Variants in ARHGAP39 observed in about 807,000 individuals in gnomAD.
The protein encoded by ARHGAP39 is Rho GTPase activating protein 39.
A neutral mutation model predicts 106.9 loss-of-function variants in ARHGAP39; 44 were observed. The ratio of observed to expected loss-of-function variants is 0.41; its 90% CI spans 0.32 to 0.53. ARHGAP39 has a LOEUF of 0.53. Among genes scored for constraint, ARHGAP39 ranks in the 20% least tolerant of loss-of-function variants. ARHGAP39 has a pLI of 0.21. For synonymous variants in ARHGAP39, 768 were observed against 693.2 expected (o/e 1.11, Z -1.69); for missense variants, 1,496 against 1,577.3 (o/e 0.95, Z 0.87).
intron 1 of ARHGAP39, among the ~76,000 whole-genome samples, chr8:144,661,180 T>C (rs946425417): frequency 1.3e-5 from 2 of 152,116 alleles, no homozygotes; most frequent in Admixed American, 6.5e-5. Context: ...GGGACCACCA[T>C]GGCCCCTTCA....
chr8:144,557,546 C>CA (rs1330921142), intron 3 of ARHGAP39, among the ~76,000 whole-genome samples: 1 of 137,300 alleles, frequency 7.3e-6, no homozygotes, highest in African/African-American at 3.0e-5. Flanking sequence ...TATTCAGAGG[C>CA]AAAGGCTGAA....
chr8:144,582,199 G>A (rs1819017436), intron 2 of ARHGAP39, among the ~76,000 whole-genome samples: 1 of 152,236 alleles, frequency 6.6e-6, no homozygotes, highest in Admixed American at 6.5e-5. Flanking sequence ...ACGGGCTAGT[G>A]GGGGCTGCCT....
rs889424707 is a variant in ARHGAP39, at chr8:144,586,845, C to T, written c.81-5568G>A. Among the ~76,000 whole-genome samples the T allele has an allele frequency of 1.3e-5, 2 of 152,194 alleles. No homozygotes were observed. Among genetic ancestry groups the T allele is most frequent in the African/African-American group, 4.8e-5 (2 of 41,448 alleles). On this transcript the variant is annotated intron_variant, in intron 2 of 11. Transcript: ENST00000377307. This position sits in a 1 kb window ranked among gnomAD's most constrained non-coding sequence, Gnocchi z 4.2. ...CCATCAGCAACCCTACATGGCTGCA[C>T]GCCCATCTCATACACCAGGATGGGC... is the stretch of plus-strand genomic sequence containing the variant.
the ARHGAP39 span, among the ~76,000 whole-genome samples, chr8:144,691,335 G>A: frequency 7.2e-5 from 11 of 152,164 alleles, no homozygotes; most frequent in Non-Finnish European, 1.5e-4. Context: ...AACCCAGCAG[G>A]ATGTCCTGCT....
intron 1 of ARHGAP39, among the ~76,000 whole-genome samples, chr8:144,673,918 C>T (rs1385017357): frequency 1.3e-5 from 2 of 152,216 alleles, no homozygotes; most frequent in African/African-American, 4.8e-5. Context: ...GAGGCTGCGG[C>T]TTGACCAGAT....
intron 1 of ARHGAP39, among the ~76,000 whole-genome samples, chr8:144,665,695 C>T (rs1482659357): frequency 6.6e-6 from 1 of 152,212 alleles, no homozygotes; most frequent in African/African-American, 2.4e-5. Flanking sequence ...CCTACAGGTG[C>T]ACAGAAGTCA....
chr8:144,640,351 A>T (rs1821281367), intron 1 of ARHGAP39, among the ~76,000 whole-genome samples: 1 of 152,158 alleles, frequency 6.6e-6, no homozygotes, highest in Non-Finnish European at 1.5e-5. Flanking sequence ...TAATTGAATC[A>T]TAGGGGTGGG....
At chr8:144,691,698 C>T in the ARHGAP39 span, among the ~76,000 whole-genome samples, 1 of 152,054 alleles carries the variant, frequency 6.6e-6, no homozygotes. Flanking sequence ...GCCCACAATG[C>T]ATTGCAATCC....
At position 144,670,927 on chromosome 8, in the gene ARHGAP39, A is replaced by G. The variant is rs1822085880; in HGVS notation, c.-82+14759T>C. Among the ~76,000 whole-genome samples the G allele has an allele frequency of 6.6e-6, 1 of 152,140 alleles. No homozygotes were observed. Among genetic ancestry groups the G allele is most frequent in the African/African-American group, 2.4e-5 (1 of 41,436 alleles). On this transcript the variant is annotated intron_variant, in intron 1 of 11. Coordinates refer to ENST00000377307, the MANE Select transcript of ARHGAP39 (RefSeq NM_025251.3). The surrounding 1 kb of genome is among the most constrained non-coding windows in gnomAD (Gnocchi z 4.4). ...CCATGGAATGGATGACCAGAAAGGC[A>G]CGACCACCTAATCCAGCTCTGATGA... is the stretch of plus-strand genomic sequence containing the variant.
At position 144,602,241 on chromosome 8, in the gene ARHGAP39, G is replaced by T. The variant is rs1474755241; in HGVS notation, c.80+3294C>A. Among the ~76,000 whole-genome samples, 6 of 132,488 alleles carry T rather than the reference G, an allele frequency of 4.5e-5. 1 individual carries two copies. Among genetic ancestry groups the T allele is most frequent in the Non-Finnish European group, 9.5e-5 (6 of 62,946 alleles). 86.9% of individuals were successfully genotyped at this position (132,488 alleles called of 152,430 possible). On this transcript the variant is annotated intron_variant, in intron 2 of 11. Coordinates refer to ENST00000377307, the MANE Select transcript of ARHGAP39 (RefSeq NM_025251.3). ...CTCGTGTACCTGTGTGCATGTGCGT[G>T]GAGGTGTGTGTGTGAGCTCATGTAC...
At chr8:144,584,756 C>CT (rs1221850412) in intron 2 of ARHGAP39, among the ~76,000 whole-genome samples, 5 of 152,164 alleles carry the variant, frequency 3.3e-5, no homozygotes, top group Non-Finnish European at 7.3e-5. Flanking sequence ...GAGCGAGACT[C>CT]TGTCTCTAAA....
intron 1 of ARHGAP39, among the ~76,000 whole-genome samples, chr8:144,674,532 C>G (rs1050432895): frequency 3.9e-5 from 6 of 152,140 alleles, no homozygotes. Flanking sequence ...AGAAAAAGCA[C>G]CATAAACTCT....
At chr8:144,678,395 T>C (rs988648440) in intron 1 of ARHGAP39, among the ~76,000 whole-genome samples, 2 of 150,266 alleles carry the variant, frequency 1.3e-5, no homozygotes, top group Admixed American at 6.6e-5. Context: ...CGAGAGGGGG[T>C]GGAGCACCTG....
At position 144,545,547 on chromosome 8, in the gene ARHGAP39, C is replaced by A; in HGVS notation, c.2223G>T (p.Lys741Asn). 1 of 1,613,734 alleles carries A rather than the reference C, an allele frequency of 6.2e-7. No homozygotes were observed. The highest frequency in any genetic ancestry group is 1.1e-5 in the South Asian group (1 of 91,084). ...TCAGCTTGAAGAGCTCGCAGGCCTCCTTCTTCACGTGCCGGTCGCTTGTCA... is the reference window on the plus strand; with the variant it reads ...TCAGCTTGAAGAGCTCGCAGGCCTCATTCTTCACGTGCCGGTCGCTTGTCA... ...MIVTSDRHVK[K>N]EACELFKLIQ... The change falls in exon 6 of 12, where the codon AAG becomes AAT. Residue 741 changes from lysine (K) to asparagine (N), a missense_variant. Around this residue, in one of 4 missense-constraint regions of ARHGAP39, gnomAD observed 470 missense variants for 605.1 expected, o/e 0.78. Transcript: ENST00000377307.
At chr8:144,549,532 C>T (rs373628947) in intron 4 of ARHGAP39, among the ~76,000 whole-genome samples, 43 of 152,124 alleles carry the variant, frequency 2.8e-4, no homozygotes, top group African/African-American at 9.7e-4. Flanking sequence ...CTTGCTCTGT[C>T]GCCAGGCTGG....
At chr8:144,683,435 C>A (rs1279966142) in intron 1 of ARHGAP39, 1 of 150,562 alleles carries the variant, frequency 6.6e-6, no homozygotes, top group African/African-American at 2.4e-5. Context: ...GCAAGCTCCG[C>A]CTCCTGGGTT....
intron 1 of ARHGAP39, among the ~76,000 whole-genome samples, chr8:144,643,370 T>C (rs1055759534): frequency 6.6e-6 from 1 of 152,162 alleles, no homozygotes; most frequent in Non-Finnish European, 1.5e-5. Flanking sequence ...GGAGGACTGC[T>C]TGAGCCCGGG....
At chr8:144,631,658 T>C (rs895126079) in intron 1 of ARHGAP39, among the ~76,000 whole-genome samples, 1 of 152,208 alleles carries the variant, frequency 6.6e-6, no homozygotes, top group Non-Finnish European at 1.5e-5. Flanking sequence ...GGGCCATCTG[T>C]CGGGGTCCCT....
In ARHGAP39 at chr8:144,530,338, C is replaced by G. The variant is rs1411089158; in HGVS notation, c.*84G>C. 6.3e-6 allele frequency: 9 copies of G among 1,437,200 alleles called. No homozygotes were observed. The highest frequency in any genetic ancestry group is 4.2e-5 in the African/African-American group (3 of 70,996). The allele number at this position is 1,437,200 out of a possible 1,614,324, so 89.0% of individuals were successfully genotyped here. Reference sequence around the variant, plus strand: ...GGCTCCAGGGCTGGGCCGGGCGATTCTGGCCCCTCTGCCGGGAGAGCGAGT... The same window carrying G: ...GGCTCCAGGGCTGGGCCGGGCGATTGTGGCCCCTCTGCCGGGAGAGCGAGT... On this transcript the variant is annotated 3_prime_UTR_variant, in exon 12 of 12. Coordinates refer to ENST00000377307, the MANE Select transcript of ARHGAP39 (RefSeq NM_025251.3).
Sources: allele counts gnomAD v4.1 joint callset (sites outside exome capture counted in the v4.1 genomes callset), GRCh38; gene constraint gnomAD v4.1.1; regional missense constraint gnomAD v4.1.1; non-coding constraint Gnocchi (gnomAD v3.1); transcripts MANE v1.5; gene names NCBI Gene and HGNC (gene_info 2026-07-23, HGNC 2026-07-21).